SCUBE1: variants seen among roughly 807,000 people sequenced by gnomAD.
The protein encoded by SCUBE1 is signal peptide, CUB and EGF-like domain-containing protein 1.
A neutral mutation model predicts 124.4 loss-of-function variants in SCUBE1; 59 were observed. The observed-to-expected ratio is 0.47, with a 90% confidence interval of 0.38 to 0.59. SCUBE1 has a LOEUF of 0.59. Among genes scored for constraint, SCUBE1 ranks in the 20% least tolerant of loss-of-function variants. SCUBE1 has a pLI of 0.00. For synonymous variants in SCUBE1, 545 were observed against 550.9 expected (o/e 0.99, Z 0.15); for missense variants, 1,150 against 1,371.2 (o/e 0.84, Z 2.55).
At chr22:43,248,916 C>T (rs1288573960) in intron 6 of SCUBE1, among the ~76,000 whole-genome samples, 4 of 152,220 alleles carry the variant, frequency 2.6e-5, no homozygotes, top group Non-Finnish European at 4.4e-5. Flanking sequence ...TGTGCTGAGC[C>T]AACTAGCCTC....
intron 3 of SCUBE1, among the ~76,000 whole-genome samples, chr22:43,318,636 A>G (rs1428835499): frequency 6.6e-6 from 1 of 152,184 alleles, no homozygotes; most frequent in East Asian, 1.9e-4. Context: ...ACTGATAGAA[A>G]ACACACCAGC....
intron 15 of SCUBE1, among the ~76,000 whole-genome samples, chr22:43,214,587 A>G (rs1355380226): frequency 6.6e-6 from 1 of 152,230 alleles, no homozygotes; most frequent in Admixed American, 6.5e-5. Context: ...CAGCTTTAGC[A>G]AACTGCCTCC....
chr22:43,280,590 T>A (rs913279124), intron 4 of SCUBE1, among the ~76,000 whole-genome samples: 1 of 115,354 alleles, frequency 8.7e-6, no homozygotes, highest in African/African-American at 3.3e-5. Context: ...CCTGCAGACA[T>A]CCTCCTGCTA....
chr22:43,276,321 C>T (rs547593834), intron 4 of SCUBE1, among the ~76,000 whole-genome samples: 1 of 152,086 alleles, frequency 6.6e-6, no homozygotes, highest in Non-Finnish European at 1.5e-5. Flanking sequence ...GAGCCAGGAT[C>T]GGGGGCTGAG....
In SCUBE1 at chr22:43,198,331, A is replaced by T. The variant is rs556266568; in HGVS notation, c.*5666T>A. 1 of 358,940 alleles carries T rather than the reference A, an allele frequency of 2.8e-6. No homozygotes were observed. Among genetic ancestry groups the T allele is most frequent in the Admixed American group, 3.7e-5 (1 of 26,910 alleles). The allele number at this position is 358,940 out of a possible 1,614,324, so 22.2% of individuals were successfully genotyped here. On this transcript the variant is annotated 3_prime_UTR_variant, in exon 22 of 22. Coordinates refer to ENST00000360835, the MANE Select transcript of SCUBE1 (RefSeq NM_173050.5). ...AGGGGACTGGAGAGGCCTTGAGGCCATCGCAGCAGATGCTGGGAGGGCACG... is the reference window on the plus strand; with the variant it reads ...AGGGGACTGGAGAGGCCTTGAGGCCTTCGCAGCAGATGCTGGGAGGGCACG...
At position 43,198,607 on chromosome 22, in the gene SCUBE1, T is replaced by A. The variant is rs1344798008; in HGVS notation, c.*5390A>T. 2 of 456,610 alleles carry A rather than the reference T, an allele frequency of 4.4e-6. No homozygotes were observed. Among genetic ancestry groups the A allele is most frequent in the African/African-American group, 4.0e-5 (2 of 50,084 alleles). 28.3% of individuals were successfully genotyped at this position (456,610 alleles called of 1,614,324 possible). ...TCCTCTGCCCTTGGCCTGAATGATG[T>A]CGGCTCGGCATGGACACCTTGTGCA... On this transcript the variant is annotated 3_prime_UTR_variant, in exon 22 of 22. Coordinates refer to ENST00000360835, the MANE Select transcript of SCUBE1 (RefSeq NM_173050.5).
At chr22:43,339,676 ACT>A (rs1491557941) in intron 1 of SCUBE1, among the ~76,000 whole-genome samples, 19 of 41,918 alleles carry the variant, frequency 4.5e-4, no homozygotes, top group African/African-American at 8.3e-4. Context: ...CATTCTCCTC[ACT>A]CTATCCCCCC....
chr22:43,314,296 A>G (rs1926266964), intron 3 of SCUBE1, among the ~76,000 whole-genome samples: 1 of 152,072 alleles, frequency 6.6e-6, no homozygotes, highest in African/African-American at 2.4e-5. Context: ...GCTGGATGCA[A>G]GTAATAGGGA....
chr22:43,236,839 A>AC (rs1922783411), intron 7 of SCUBE1, among the ~76,000 whole-genome samples: 1 of 152,142 alleles, frequency 6.6e-6, no homozygotes, highest in Non-Finnish European at 1.5e-5. Context: ...TCAGTAGAGG[A>AC]CCCCTACAGG....
intron 4 of SCUBE1, among the ~76,000 whole-genome samples, chr22:43,268,393 G>C (rs1924159385): frequency 6.6e-6 from 1 of 152,254 alleles, no homozygotes; most frequent in Non-Finnish European, 1.5e-5. Context: ...TAGAATTTCA[G>C]AGTCATTCCC....
At chr22:43,249,227 G>A (rs1569506491) in intron 6 of SCUBE1, among the ~76,000 whole-genome samples, 2 of 151,916 alleles carry the variant, frequency 1.3e-5, no homozygotes, top group Non-Finnish European at 2.9e-5. Flanking sequence ...GTGCGGGGTG[G>A]GGACTGGGAC....
intron 2 of SCUBE1, among the ~76,000 whole-genome samples, chr22:43,330,177 G>A (rs1233304140): frequency 6.6e-6 from 1 of 152,176 alleles, no homozygotes; most frequent in Non-Finnish European, 1.5e-5. Context: ...TAAGGCAGGT[G>A]TTGTGGCTCC....
chr22:43,235,090 T>C (rs988782638), intron 7 of SCUBE1, among the ~76,000 whole-genome samples: 1 of 152,162 alleles, frequency 6.6e-6, no homozygotes, highest in Non-Finnish European at 1.5e-5. Flanking sequence ...GGGGTGGCTG[T>C]TCCTGTCTGG....
chr22:43,308,679 A>C (rs191990445), intron 3 of SCUBE1, among the ~76,000 whole-genome samples: 129 of 152,306 alleles, frequency 8.5e-4, no homozygotes, highest in African/African-American at 3.0e-3. Flanking sequence ...GCCTGCACGG[A>C]GCATCTGGGC....
In SCUBE1 at chr22:43,222,694, C is replaced by T. The variant is rs1922144915; in HGVS notation, c.1376G>A (p.Gly459Asp). Residue 459 changes from glycine (G) to aspartate (D), a missense_variant, in exon 12 of 22, where the codon GGC becomes GAC. This residue lies in a region of SCUBE1 where 757 missense variants were observed against 840.9 expected (regional missense o/e 0.90). Transcript: ENST00000360835. ...GCCGTTGCGTTTCTGCAGCGCCTTG[C>T]CCTGCGGCCCTGGAACTCCGCAGCT... Reference protein sequence around the residue: ...VLSCGVPGPQGKALQKRNGTS... With the variant: ...VLSCGVPGPQDKALQKRNGTS... 1.2e-6 allele frequency: 2 copies of T among 1,606,508 alleles called. No individual in the cohort carries two copies. The highest frequency in any genetic ancestry group is 1.7e-6 in the Non-Finnish European group (2 of 1,176,972).
chr22:43,261,659 A>C (rs933873534), intron 5 of SCUBE1, among the ~76,000 whole-genome samples: 5 of 152,224 alleles, frequency 3.3e-5, no homozygotes, highest in Admixed American at 1.3e-4. Flanking sequence ...GGGCAGCCTC[A>C]GTCTCTCATT....
chr22:43,329,961 G>C (rs761092402), intron 2 of SCUBE1, among the ~76,000 whole-genome samples: 2 of 152,146 alleles, frequency 1.3e-5, no homozygotes, highest in Non-Finnish European at 2.9e-5. Flanking sequence ...AGGGCCCAGA[G>C]GAAGGGGGCA....
chr22:43,252,257 C>A (rs1299320037), intron 6 of SCUBE1, among the ~76,000 whole-genome samples: 1 of 152,266 alleles, frequency 6.6e-6, no homozygotes, highest in Non-Finnish European at 1.5e-5. Context: ...CTTACAACTG[C>A]GCCTCCCATT....
intron 4 of SCUBE1, among the ~76,000 whole-genome samples, chr22:43,271,119 T>C (rs1924276327): frequency 6.6e-6 from 1 of 152,208 alleles, no homozygotes; most frequent in Non-Finnish European, 1.5e-5. Flanking sequence ...TGAGATGCTG[T>C]TTCTGTGTCA....
Sources: gnomAD v4.1 joint callset for allele counts (sites outside exome capture counted in the v4.1 genomes callset) on GRCh38, gnomAD v4.1.1 for gene constraint, gnomAD v4.1.1 regional missense constraint, MANE v1.5 for transcripts, NCBI Gene and HGNC (gene_info 2026-07-23, HGNC 2026-07-21) for gene names.